The following NRXN3 variants were observed in gnomAD, a reference collection of about 807,000 sequenced individuals.
NRXN3 encodes the protein neurexin 3.
Under a neutral mutation model 137.6 loss-of-function variants are expected in NRXN3, and 32 were observed. The observed-to-expected ratio is 0.23, with a 90% confidence interval of 0.18 to 0.31. The LOEUF is 0.31. NRXN3 is among the 10% of genes least tolerant of loss of function. NRXN3 has a pLI of 1.00. For synonymous variants in NRXN3, 798 were observed against 784.5 expected, an observed-to-expected ratio of 1.02 and a Z score of -0.29; for missense variants, 1,574 against 2,062.5, an observed-to-expected ratio of 0.76 and a Z score of 4.59.
chr14:78,554,444 A>C (rs552593970), intron 4 of NRXN3, among the ~76,000 whole-genome samples: 1 of 152,260 alleles, frequency 6.6e-6, no homozygotes, highest in South Asian at 2.1e-4. Context: ...GCACAACCCC[A>C]AAACAGGCTT....
chr14:79,070,465 A>G (rs1298330575), intron 15 of NRXN3, among the ~76,000 whole-genome samples: 7 of 152,240 alleles, frequency 4.6e-5, no homozygotes, highest in Non-Finnish European at 1.0e-4. Flanking sequence ...GATAGCCTTG[A>G]GTAATTAAAG....
At chr14:79,248,287 A>G (rs953631332) in intron 15 of NRXN3, among the ~76,000 whole-genome samples, 1 of 152,046 alleles carries the variant, frequency 6.6e-6, no homozygotes, top group African/African-American at 2.4e-5. Flanking sequence ...TCATGCCCCC[A>G]CACAGATTCT....
chr14:78,235,825 G>C (rs1298798691), intron 1 of NRXN3, among the ~76,000 whole-genome samples: 2 of 152,192 alleles, frequency 1.3e-5, no homozygotes, highest in African/African-American at 4.8e-5. Context: ...AGGAAAAGAA[G>C]AGAAGATGCA....
At chr14:78,994,273 T>C (rs2099525303) in intron 15 of NRXN3, among the ~76,000 whole-genome samples, 1 of 152,194 alleles carries the variant, frequency 6.6e-6, no homozygotes, top group Non-Finnish European at 1.5e-5. Context: ...GTTAACATTC[T>C]GCATGTTTCC....
At chr14:79,664,739 C>T (rs547215216) in intron 17 of NRXN3, among the ~76,000 whole-genome samples, 2 of 152,118 alleles carry the variant, frequency 1.3e-5, no homozygotes, top group Non-Finnish European at 2.9e-5. Context: ...CAGGAAAAGT[C>T]CTGAATGCTG....
At chr14:79,277,141 G>C (rs536070483) in intron 15 of NRXN3, among the ~76,000 whole-genome samples, 3 of 152,272 alleles carry the variant, frequency 2.0e-5, no homozygotes, top group Non-Finnish European at 4.4e-5. Context: ...CTCTGAGGAG[G>C]TGACATTTGA....
intron 4 of NRXN3, among the ~76,000 whole-genome samples, chr14:78,334,556 G>T (rs1268457660): frequency 6.6e-6 from 1 of 152,124 alleles, no homozygotes; most frequent in African/African-American, 2.4e-5. Flanking sequence ...CTCTGTCTTT[G>T]ATCTCGTCTG....
chr14:79,822,110 T>C (rs1157780105), intron 20 of NRXN3, among the ~76,000 whole-genome samples: 1 of 152,136 alleles, frequency 6.6e-6, no homozygotes, highest in Non-Finnish European at 1.5e-5. Context: ...TAAGAGATTA[T>C]AGACAAGTTG....
chr14:78,390,124 G>A lies in NRXN3; in HGVS notation c.757+92264G>A, dbSNP rs1377173401. On this transcript the variant is annotated intron_variant, in intron 4 of 20. Coordinates refer to ENST00000335750, the MANE Select transcript of NRXN3 (RefSeq NM_001330195.2). ...TAGCTTTACAGTAAAGATTAACACC[G>A]GGTACGGCAAGTCCTCCTTTATTAT... Among the ~76,000 whole-genome samples, 5 of 152,222 alleles carry A rather than the reference G, an allele frequency of 3.3e-5. No individual in the cohort carries two copies. In the South Asian group the frequency reaches 6.2e-4, roughly 19 times the overall value.
chr14:79,014,186 G>T (rs950836477), intron 15 of NRXN3, among the ~76,000 whole-genome samples: 11 of 152,092 alleles, frequency 7.2e-5, no homozygotes, highest in African/African-American at 2.7e-4. Context: ...CAGGGATTTG[G>T]CATACAGATT....
chr14:79,393,513 T>C lies in NRXN3; in HGVS notation c.3263-73708T>C, dbSNP rs2094921457. Among the ~76,000 whole-genome samples, 3 of 152,308 alleles carry C rather than the reference T, an allele frequency of 2.0e-5. No individual in the cohort carries two copies. The South Asian group carries it at 6.2e-4, about 32-fold the overall frequency. ...AAGAAGAACAAATTTAATAGACTAT[T>C]AAGAGGTAAAGAGGAACTTTTAAAA... On this transcript the variant is annotated intron_variant, in intron 15 of 20. Transcript: ENST00000335750.
chr14:79,274,922 T>C (rs1443778603), intron 15 of NRXN3, among the ~76,000 whole-genome samples: 3 of 152,228 alleles, frequency 2.0e-5, no homozygotes, highest in Non-Finnish European at 2.9e-5. Context: ...CTCTAAACTA[T>C]ACATTTATAC....
At chr14:79,131,250 T>C (rs1022231942) in intron 15 of NRXN3, among the ~76,000 whole-genome samples, 45 of 152,226 alleles carry the variant, frequency 3.0e-4, no homozygotes, top group African/African-American at 9.9e-4. Flanking sequence ...GGAGGAGAGG[T>C]GCTCTGCTTT....
chr14:79,045,221 C>T (rs2062745), intron 15 of NRXN3, among the ~76,000 whole-genome samples: 150,782 of 152,184 alleles, frequency 0.99, 74,721 homozygotes, highest in Middle Eastern at 1. Context: ...TTTTCTGGCG[C>T]TACCCACACC....
At chr14:78,516,132 A>C (rs1410314101) in intron 4 of NRXN3, among the ~76,000 whole-genome samples, 1 of 152,064 alleles carries the variant, frequency 6.6e-6, no homozygotes, top group African/African-American at 2.4e-5. Flanking sequence ...CACAAAATTC[A>C]TGTCATGTTC....
At chr14:78,444,673 A>G (rs570895543) in intron 4 of NRXN3, among the ~76,000 whole-genome samples, 15 of 152,068 alleles carry the variant, frequency 9.9e-5, no homozygotes, top group Middle Eastern at 3.4e-3. Context: ...TAATCCCAGC[A>G]CTTTGGGAGG....
chr14:79,810,738 T>A (rs1392697620), intron 20 of NRXN3, among the ~76,000 whole-genome samples: 1 of 152,196 alleles, frequency 6.6e-6, no homozygotes, highest in Non-Finnish European at 1.5e-5. Flanking sequence ...GAAAGTATCA[T>A]CTGAAAATCT....
chr14:78,408,658 T>C (rs1019485315), intron 4 of NRXN3, among the ~76,000 whole-genome samples: 1 of 152,192 alleles, frequency 6.6e-6, no homozygotes, highest in Non-Finnish European at 1.5e-5. Flanking sequence ...GCCCACTCCA[T>C]AGGTGCCTCT....
chr14:78,626,625 A>G (rs1412584471), intron 4 of NRXN3, among the ~76,000 whole-genome samples: 1 of 152,216 alleles, frequency 6.6e-6, no homozygotes, highest in African/African-American at 2.4e-5. Flanking sequence ...AAAGTCATTC[A>G]TGTATTTCAG....
Sources: allele counts gnomAD v4.1 joint callset (sites outside exome capture counted in the v4.1 genomes callset), GRCh38; gene constraint gnomAD v4.1.1; transcripts MANE v1.5; gene names NCBI Gene and HGNC (gene_info 2026-07-23, HGNC 2026-07-21).